The following REDIC1 variants were observed in gnomAD, a reference collection of about 807,000 sequenced individuals.
REDIC1 encodes the protein regulator of DNA class I crossover intermediates 1, also known as HEI10 Interacting Protein 1.
chr12:39,788,899 T>C, the REDIC1 span, among the ~76,000 whole-genome samples: 1 of 152,148 alleles, frequency 6.6e-6, no homozygotes, highest in South Asian at 2.1e-4. Flanking sequence ...AATAAATATT[T>C]TGGTATGCCT....
chr12:39,706,104 A>T, the REDIC1 span, among the ~76,000 whole-genome samples: 2 of 152,200 alleles, frequency 1.3e-5, no homozygotes, highest in African/African-American at 4.8e-5. Flanking sequence ...TAGAATTGAT[A>T]AAATCAAAAA....
chr12:39,646,674 C>T, the REDIC1 span, among the ~76,000 whole-genome samples: 2 of 151,582 alleles, frequency 1.3e-5, no homozygotes, highest in African/African-American at 4.8e-5. Flanking sequence ...ATGTCTGTAT[C>T]TAGTATTAAT....
the REDIC1 span, among the ~76,000 whole-genome samples, chr12:39,628,648 C>T: frequency 6.6e-6 from 1 of 152,042 alleles, no homozygotes; most frequent in Non-Finnish European, 1.5e-5. Context: ...TACCTGACTA[C>T]CTGTTTAGGG....
chr12:39,629,386 AC>A, the REDIC1 span, among the ~76,000 whole-genome samples: 1 of 152,202 alleles, frequency 6.6e-6, no homozygotes, highest in African/African-American at 2.4e-5. Context: ...AGTAATAGCA[AC>A]CAGATTGCAT....
the REDIC1 span, among the ~76,000 whole-genome samples, chr12:39,798,031 A>G: frequency 6.6e-6 from 1 of 152,200 alleles, no homozygotes; most frequent in Admixed American, 6.5e-5. Flanking sequence ...TCAGAAGCTA[A>G]GATCAAAGAT....
At chr12:39,816,772 C>T in the REDIC1 span, among the ~76,000 whole-genome samples, 1 of 151,960 alleles carries the variant, frequency 6.6e-6, no homozygotes, top group Non-Finnish European at 1.5e-5. Context: ...AACCTCTCAC[C>T]ATTTGCCTTC....
the REDIC1 span, among the ~76,000 whole-genome samples, chr12:39,645,806 T>G: frequency 6.6e-6 from 1 of 152,134 alleles, no homozygotes; most frequent in Non-Finnish European, 1.5e-5. Flanking sequence ...TTCACTGTGT[T>G]GCCCAAGCTG....
chr12:39,725,090 A>C, the REDIC1 span, among the ~76,000 whole-genome samples: 1 of 152,284 alleles, frequency 6.6e-6, no homozygotes, highest in South Asian at 2.1e-4. Context: ...CAGAGCCTCA[A>C]AGTCAAATGA....
At chr12:39,812,374 TTTCTTTTCTTTCTTTCTC>T in the REDIC1 span, among the ~76,000 whole-genome samples, 264 of 122,398 alleles carry the variant, frequency 2.2e-3, 2 homozygotes, top group Middle Eastern at 4.4e-3. Context: ...TTTCTTTTCT[TTTCTTTTCTTTCTTTCTC>T]TCTCTCTTTC....
At chr12:39,882,745 C>G in the REDIC1 span, among the ~76,000 whole-genome samples, 8 of 151,588 alleles carry the variant, frequency 5.3e-5, no homozygotes, top group African/African-American at 1.9e-4. Flanking sequence ...AATCAGCACT[C>G]AAACACCTGT....
the REDIC1 span, among the ~76,000 whole-genome samples, chr12:39,669,758 G>A: frequency 8.0e-4 from 122 of 152,326 alleles, 1 homozygote; most frequent in Non-Finnish European, 1.5e-3. Context: ...CGTGGTGGGC[G>A]CCCCTCCCAG....
the REDIC1 span, among the ~76,000 whole-genome samples, chr12:39,899,126 T>C: frequency 6.6e-6 from 1 of 152,152 alleles, no homozygotes; most frequent in Admixed American, 6.6e-5. Flanking sequence ...TCTTTTTGGT[T>C]GGTAAGCTAT....
the REDIC1 span, among the ~76,000 whole-genome samples, chr12:39,687,615 C>A: frequency 6.6e-6 from 1 of 152,338 alleles, no homozygotes; most frequent in South Asian, 2.1e-4. Context: ...TCACCTGCCA[C>A]CAGGCCCCAT....
the REDIC1 span, among the ~76,000 whole-genome samples, chr12:39,849,711 T>C: frequency 2.0e-5 from 3 of 152,210 alleles, no homozygotes; most frequent in Non-Finnish European, 4.4e-5. Context: ...GATTCATGTT[T>C]ATTTGAGTTT....
the REDIC1 span, among the ~76,000 whole-genome samples, chr12:39,820,171 C>T: frequency 6.6e-6 from 1 of 152,114 alleles, no homozygotes; most frequent in South Asian, 2.1e-4. Context: ...GAAACATGTG[C>T]CTCTGAAATG....
the REDIC1 span, among the ~76,000 whole-genome samples, chr12:39,874,576 T>C: frequency 1.0e-4 from 15 of 144,598 alleles, no homozygotes; most frequent in African/African-American, 3.4e-4. Flanking sequence ...GATCACACCA[T>C]TGCACTCCAG....
the REDIC1 span, among the ~76,000 whole-genome samples, chr12:39,743,674 C>T: frequency 6.6e-6 from 1 of 152,202 alleles, no homozygotes; most frequent in Non-Finnish European, 1.5e-5. Flanking sequence ...GGAGACAACA[C>T]TAACAGAAAT....
At chr12:39,698,914 C>G in the REDIC1 span, among the ~76,000 whole-genome samples, 2 of 152,090 alleles carry the variant, frequency 1.3e-5, no homozygotes, top group African/African-American at 2.4e-5. Flanking sequence ...AACACCTTAG[C>G]TATATATCTT....
the REDIC1 span, among the ~76,000 whole-genome samples, chr12:39,633,208 C>G: frequency 6.6e-6 from 1 of 152,030 alleles, no homozygotes; most frequent in Non-Finnish European, 1.5e-5. Context: ...AACAGCTGTA[C>G]AAGACTATAT....
Sources: gnomAD v4.1 joint callset for allele counts (sites outside exome capture counted in the v4.1 genomes callset) on GRCh38, gnomAD v4.1.1 for gene constraint, MANE v1.5 for transcripts, NCBI Gene and HGNC (gene_info 2026-07-23, HGNC 2026-07-21) for gene names.